CCDC91: variants seen among roughly 807,000 people sequenced by gnomAD.
CCDC91 encodes the protein coiled-coil domain containing 91.
In CCDC91, 48 loss-of-function variants were observed where a neutral mutation model predicts 63.2. The ratio of observed to expected loss-of-function variants is 0.76; its 90% CI spans 0.60 to 0.97. CCDC91 has a LOEUF of 0.97. CCDC91 is among the 50% of genes least tolerant of loss of function. CCDC91 has a pLI of 0.00. For missense variants in CCDC91, 500 were observed against 494.6 expected (o/e 1.01, Z -0.10); for synonymous variants, 167 against 165.8 (o/e 1.01, Z -0.06).
chr12:28,319,615 TTAAA>T (rs1940270549), intron 6 of CCDC91, among the ~76,000 whole-genome samples: 1 of 151,836 alleles, frequency 6.6e-6, no homozygotes, highest in Non-Finnish European at 1.5e-5. Flanking sequence ...CCTGTACACT[TTAAA>T]TAATCTCTAG....
intron 12 of CCDC91, among the ~76,000 whole-genome samples, chr12:28,547,293 T>G (rs1943057508): frequency 6.6e-6 from 1 of 152,140 alleles, no homozygotes; most frequent in African/African-American, 2.4e-5. Flanking sequence ...TTACATATAT[T>G]AAAATGAAAC....
intron 7 of CCDC91, among the ~76,000 whole-genome samples, chr12:28,376,984 T>C (rs1944988458): frequency 6.6e-6 from 1 of 151,824 alleles, no homozygotes; most frequent in Non-Finnish European, 1.5e-5. Flanking sequence ...TTATTTTGTC[T>C]CATTTTGAGC....
chr12:28,329,369 C>A (rs934071565), intron 6 of CCDC91, among the ~76,000 whole-genome samples: 3 of 152,064 alleles, frequency 2.0e-5, no homozygotes, highest in Non-Finnish European at 4.4e-5. Context: ...ATCCTTGGCA[C>A]CAATGTGGAC....
intron 6 of CCDC91, among the ~76,000 whole-genome samples, chr12:28,329,724 G>C (rs191396803): frequency 6.6e-6 from 1 of 152,100 alleles, no homozygotes; most frequent in Non-Finnish European, 1.5e-5. Flanking sequence ...CCATTAACTC[G>C]TCATTTACAT....
chr12:28,405,340 TG>T (rs1946870283), intron 8 of CCDC91, among the ~76,000 whole-genome samples: 1 of 152,150 alleles, frequency 6.6e-6, no homozygotes, highest in South Asian at 2.1e-4. Flanking sequence ...ATATCATTGA[TG>T]TCATTCATTT....
chr12:28,252,389 C>T (rs1199607844), intron 1 of CCDC91, among the ~76,000 whole-genome samples: 3 of 151,916 alleles, frequency 2.0e-5, no homozygotes, highest in Admixed American at 2.0e-4. Flanking sequence ...TCTTGAACTC[C>T]TAGAGTCCTA....
At chr12:28,205,353 T>TA (rs199637973) in intron 1 of CCDC91, among the ~76,000 whole-genome samples, 23 of 149,034 alleles carry the variant, frequency 1.5e-4, no homozygotes, top group East Asian at 7.8e-4. Context: ...AGTACAGAGG[T>TA]AAAAAAAAAT....
intron 12 of CCDC91, among the ~76,000 whole-genome samples, chr12:28,545,717 T>C (rs1942941303): frequency 6.6e-6 from 1 of 152,112 alleles, no homozygotes; most frequent in East Asian, 1.9e-4. Flanking sequence ...CTTGGTGACA[T>C]CTAACACAAG....
chr12:28,449,955 C>T (rs776653818), intron 8 of CCDC91, among the ~76,000 whole-genome samples: 1 of 151,824 alleles, frequency 6.6e-6, no homozygotes, highest in Admixed American at 6.6e-5. Flanking sequence ...CTCTGTTGAA[C>T]TTGGGGCTAA....
At chr12:28,398,717 G>T (rs1313610622) in intron 8 of CCDC91, among the ~76,000 whole-genome samples, 1 of 152,024 alleles carries the variant, frequency 6.6e-6, no homozygotes, top group Non-Finnish European at 1.5e-5. Context: ...GGGGGAATGG[G>T]GTGTGGTATT....
At chr12:28,461,309 T>C (rs1458236370) in intron 11 of CCDC91, among the ~76,000 whole-genome samples, 2 of 152,042 alleles carry the variant, frequency 1.3e-5, no homozygotes. Flanking sequence ...GGTTGAAGAA[T>C]GTGTGTATTA....
chr12:28,533,075 A>G (rs561876311), intron 12 of CCDC91, among the ~76,000 whole-genome samples: 3 of 152,200 alleles, frequency 2.0e-5, no homozygotes, highest in East Asian at 3.9e-4. Context: ...AGTATGCCCT[A>G]TTTGGGCACT....
intron 1 of CCDC91, among the ~76,000 whole-genome samples, chr12:28,196,275 C>T (rs1941761117): frequency 6.6e-6 from 1 of 152,086 alleles, no homozygotes; most frequent in Admixed American, 6.5e-5. Context: ...TTTTAAATTT[C>T]CAATTACTTA....
chr12:28,504,093 A>C (rs1938384489), intron 12 of CCDC91, among the ~76,000 whole-genome samples: 1 of 149,742 alleles, frequency 6.7e-6, no homozygotes, highest in Non-Finnish European at 1.5e-5. Context: ...AAAAATAATA[A>C]AATAAATTAA....
intron 8 of CCDC91, among the ~76,000 whole-genome samples, chr12:28,406,280 A>T (rs1029628444): frequency 5.4e-5 from 8 of 146,964 alleles, no homozygotes; most frequent in African/African-American, 8.0e-5. Flanking sequence ...CTTCCAATAA[A>T]AAAAAAAAAA....
At chr12:28,293,191 G>T (rs1342605726) in intron 3 of CCDC91, among the ~76,000 whole-genome samples, 1 of 152,062 alleles carries the variant, frequency 6.6e-6, no homozygotes, top group African/African-American at 2.4e-5. Context: ...CTCATTCAGA[G>T]AATAAGACAT....
intron 8 of CCDC91, among the ~76,000 whole-genome samples, chr12:28,392,945 T>G (rs749404996): frequency 2.0e-5 from 3 of 152,178 alleles, no homozygotes; most frequent in Non-Finnish European, 4.4e-5. Flanking sequence ...ACTGTAAACA[T>G]TTTCAATAGG....
At chr12:28,450,303 T>C (rs1949738212) in intron 9 of CCDC91, 47 bp from the exon 10 acceptor site, 2 of 1,586,476 alleles carry the variant, frequency 1.3e-6, no homozygotes, top group Admixed American at 1.7e-5. Context: ...TTCTGTTACC[T>C]CAAATAATAC....
Position 28,329,399 on chromosome 12 carries a change from A to G in CCDC91, c.576+21650A>G, listed in dbSNP as rs188928506. ...GTGGACATACAGGATCTAAAACCTA[A>G]AGATATATTTCATAGGTGAAACTGT... is the stretch of plus-strand genomic sequence containing the variant. On this transcript the variant is annotated intron_variant, in intron 6 of 12. Transcript: ENST00000536442. Among the ~76,000 whole-genome samples the G allele has an allele frequency of 8.5e-4, 130 of 152,230 alleles. 1 individual carries two copies. The highest frequency in any genetic ancestry group is 3.4e-3 in the Middle Eastern group (1 of 294).
Sources: gnomAD v4.1 joint callset for allele counts (sites outside exome capture counted in the v4.1 genomes callset) on GRCh38, gnomAD v4.1.1 for gene constraint, MANE v1.5 for transcripts, NCBI Gene and HGNC (gene_info 2026-07-23, HGNC 2026-07-21) for gene names.